The following MGRN1 variants were observed in gnomAD, a reference collection of about 807,000 sequenced individuals.
MGRN1 encodes mahogunin ring finger 1, also known as E3 ubiquitin-protein ligase MGRN1.
MGRN1 carries 29 observed loss-of-function variants against 69.2 expected under a neutral mutation model. That is an observed-to-expected ratio of 0.42 (90% CI 0.31 to 0.57). The LOEUF is 0.57. Ranked by LOEUF, MGRN1 falls within the 20% of genes least tolerant of loss-of-function variation. MGRN1 has a pLI of 0.15. For missense variants in MGRN1, 998 were observed against 796.2 expected (o/e 1.25, Z -3.05); for synonymous variants, 470 against 344.2 (o/e 1.37, Z -4.04).
chr16:4,665,700 C>T (rs1290555797), intron 7 of MGRN1, among the ~76,000 whole-genome samples: 2 of 140,096 alleles, frequency 1.4e-5, no homozygotes, highest in East Asian at 4.3e-4. Flanking sequence ...GGCGGAGTCT[C>T]ACCCTGTCAT....
chr16:4,665,994 T>C (rs2078795956), intron 7 of MGRN1, among the ~76,000 whole-genome samples: 2 of 152,028 alleles, frequency 1.3e-5, no homozygotes, highest in Non-Finnish European at 2.9e-5. Context: ...CATGCCCAGC[T>C]AATTTTTTTG....
At chr16:4,651,894 C>A in intron 2 of MGRN1, 69 bp from the exon 3 acceptor site, 1 of 1,430,178 alleles carries the variant, frequency 7.0e-7, no homozygotes, top group Non-Finnish European at 9.9e-7. Context: ...GGCTGCTGCA[C>A]CCTGACCCGT....
intron 11 of MGRN1, 62 bp downstream of exon 11, chr16:4,677,634 G>A (rs1403000237): frequency 3.0e-5 from 45 of 1,488,346 alleles, no homozygotes; most frequent in East Asian, 2.7e-4. Context: ...TGGGCCAGGC[G>A]CAAGGCCCAG....
chr16:4,668,398 C>A, intron 8 of MGRN1, 86 bp downstream of exon 8: 1 of 1,365,030 alleles, frequency 7.3e-7, no homozygotes, highest in Non-Finnish European at 1.0e-6. Context: ...CATAGACACA[C>A]ACTCATACAC....
In MGRN1 at chr16:4,677,510, G is replaced by A; in HGVS notation, c.1003G>A (p.Ala335Thr). 6.3e-7 allele frequency: 1 copy of A among 1,595,768 alleles called. No individual in the cohort carries two copies. Among genetic ancestry groups the A allele is most frequent in the Non-Finnish European group, 8.5e-7 (1 of 1,177,066 alleles). ...QIRAVRKKPG[A>T]LSPVSFSPVL... Reference sequence around the variant, plus strand: ...CCGGGCGGTGCGGAAGAAGCCAGGAGCCCTGTCCCCCGTGTCCTTCAGCCC... The same window carrying A: ...CCGGGCGGTGCGGAAGAAGCCAGGAACCCTGTCCCCCGTGTCCTTCAGCCC... The change falls in exon 11 of 17, where the codon GCC becomes ACC. Residue 335 changes from alanine to threonine, a missense_variant. Transcript: ENST00000262370.
intron 10 of MGRN1, among the ~76,000 whole-genome samples, chr16:4,676,358 G>A (rs2079053105): frequency 6.6e-6 from 1 of 152,238 alleles, no homozygotes. Flanking sequence ...GCAGTGTTGA[G>A]GACTGAGCCT....
chr16:4,665,074 G>C, intron 6 of MGRN1, 28 bp from the exon 7 acceptor site: 1 of 1,614,016 alleles, frequency 6.2e-7, no homozygotes, highest in Non-Finnish European at 8.5e-7. Context: ...CCCCGACTCT[G>C]ACTACTCTGC....
At chr16:4,652,400 C>G (rs1169424043) in intron 3 of MGRN1, among the ~76,000 whole-genome samples, 1 of 152,030 alleles carries the variant, frequency 6.6e-6, no homozygotes, top group African/African-American at 2.4e-5. Context: ...CAGATTTCAG[C>G]AGGTTCAGAA....
Position 4,688,577 on chromosome 16 carries a change from G to A in MGRN1, c.1619-219G>A, listed in dbSNP as rs946683777. Reference sequence around the variant, plus strand: ...TCTGCTGTGGGTGTCCGGGGATCTGGGATCGTCTGTCCCAAGAGGGACACA... The same window carrying A: ...TCTGCTGTGGGTGTCCGGGGATCTGAGATCGTCTGTCCCAAGAGGGACACA... On this transcript the variant is annotated intron_variant, in intron 16 of 16. Transcript: ENST00000262370. The A allele has an allele frequency of 5.4e-6, 7 of 1,297,710 alleles. No homozygotes were observed. In the African/African-American group the frequency reaches 1.0e-4, roughly 19 times the overall value. The allele number at this position is 1,297,710 out of a possible 1,614,324, so 80.4% of individuals were successfully genotyped here. A position where few individuals can be genotyped will look rare whatever the true frequency, so the allele number is the denominator to read the frequency against.
At chr16:4,651,769 T>C (rs1385150426) in intron 2 of MGRN1, among the ~76,000 whole-genome samples, 194 bp from the exon 3 acceptor site, 11 of 152,074 alleles carry the variant, frequency 7.2e-5, no homozygotes, top group Admixed American at 5.2e-4. Flanking sequence ...GATTTGGTCC[T>C]GGCCGTTGCG....
chr16:4,683,379 G>A, intron 15 of MGRN1, 110 bp downstream of exon 15: 2 of 1,328,136 alleles, frequency 1.5e-6, no homozygotes, highest in South Asian at 2.5e-5. Flanking sequence ...TTCTGCCCCA[G>A]GAACCCTCGG....
At chr16:4,682,992 C>T in intron 14 of MGRN1, 46 bp downstream of exon 14, 4 of 1,500,076 alleles carry the variant, frequency 2.7e-6, no homozygotes, top group Non-Finnish European at 3.6e-6. Flanking sequence ...CGGGCCAGCC[C>T]TCCTCCAGCT....
At chr16:4,636,033 C>A (rs909176480) in intron 1 of MGRN1, among the ~76,000 whole-genome samples, 7 of 151,696 alleles carry the variant, frequency 4.6e-5, no homozygotes, top group Admixed American at 3.9e-4. Flanking sequence ...AACTCTTGAC[C>A]TCAGGTGATC....
chr16:4,645,808 G>A (rs774791143), intron 1 of MGRN1, among the ~76,000 whole-genome samples: 2 of 152,130 alleles, frequency 1.3e-5, no homozygotes, highest in Non-Finnish European at 2.9e-5. Flanking sequence ...TGGCTGGGAC[G>A]CCAGCAGAGT....
chr16:4,652,988 T>C (rs2078443239), intron 4 of MGRN1, among the ~76,000 whole-genome samples, 164 bp downstream of exon 4: 1 of 152,180 alleles, frequency 6.6e-6, no homozygotes, highest in South Asian at 2.1e-4. Context: ...CCCCAGGGAC[T>C]CCCCACTTTT....
intron 12 of MGRN1, among the ~76,000 whole-genome samples, chr16:4,681,088 AG>A (rs1404885295): frequency 6.6e-6 from 1 of 152,208 alleles, no homozygotes; most frequent in Non-Finnish European, 1.5e-5. Context: ...CACCTGGAGC[AG>A]GTCAGCCCCC....
At chr16:4,657,441 G>A in intron 5 of MGRN1, 78 bp downstream of exon 5, 1 of 1,381,774 alleles carries the variant, frequency 7.2e-7, no homozygotes, top group Non-Finnish European at 1.0e-6. Context: ...AGCACAGTGG[G>A]GTCTGTGTGT....
At chr16:4,636,464 G>C (rs770558593) in intron 1 of MGRN1, among the ~76,000 whole-genome samples, 2 of 152,160 alleles carry the variant, frequency 1.3e-5, no homozygotes, top group Non-Finnish European at 2.9e-5. Context: ...GGGGAGCTGG[G>C]GACATCCTTG....
At chr16:4,638,148 G>A (rs1342565013) in intron 1 of MGRN1, among the ~76,000 whole-genome samples, 2 of 152,040 alleles carry the variant, frequency 1.3e-5, no homozygotes, top group African/African-American at 4.8e-5. Flanking sequence ...CTGAGTTTAG[G>A]GTGGCCCTCT....
Sources: allele counts gnomAD v4.1 joint callset (sites outside exome capture counted in the v4.1 genomes callset), GRCh38; gene constraint gnomAD v4.1.1; transcripts MANE v1.5; gene names NCBI Gene and HGNC (gene_info 2026-07-23, HGNC 2026-07-21).